Variants in GDF6 observed in about 807,000 individuals in gnomAD.
GDF6 encodes the protein growth/differentiation factor 6.
In GDF6, 3 loss-of-function variants were observed where a neutral mutation model predicts 32.4. The observed-to-expected ratio is 0.09, with a 90% CI of 0.04 to 0.24. GDF6 has a LOEUF of 0.24. Among genes scored for constraint, GDF6 ranks in the 10% least tolerant of loss-of-function variants. The pLI is 1.00. For synonymous variants in GDF6, 296 were observed against 295.3 expected, an observed-to-expected ratio of 1.00 and a Z score of -0.03; for missense variants, 589 against 637.9, an observed-to-expected ratio of 0.92 and a Z score of 0.83.
At chr8:96,158,291 G>T (rs76075842) in intron 1 of GDF6, among the ~76,000 whole-genome samples, 1 of 152,276 alleles carries the variant, frequency 6.6e-6, no homozygotes, top group East Asian at 1.9e-4. Flanking sequence ...CTCCAGGATC[G>T]GGGGCATACA....
intron 1 of GDF6, among the ~76,000 whole-genome samples, chr8:96,147,755 A>G (rs1436604698): frequency 5.3e-5 from 8 of 152,244 alleles, no homozygotes; most frequent in Non-Finnish European, 1.5e-5. Flanking sequence ...TAGTCCAGGT[A>G]CTGGAGTCTA....
At chr8:96,157,964 C>T (rs1267374821) in intron 1 of GDF6, among the ~76,000 whole-genome samples, 5 of 152,174 alleles carry the variant, frequency 3.3e-5, no homozygotes, top group Non-Finnish European at 7.4e-5. Context: ...CTCCTCTGCG[C>T]ACCCCTCCCG....
intron 1 of GDF6, among the ~76,000 whole-genome samples, chr8:96,157,727 G>A (rs1812693234): frequency 6.6e-6 from 1 of 152,186 alleles, no homozygotes; most frequent in Non-Finnish European, 1.5e-5. Context: ...ATGCGCGGCT[G>A]GCGGGTCCCT....
At chr8:96,154,084 C>G (rs1315204841) in intron 1 of GDF6, among the ~76,000 whole-genome samples, 1 of 152,130 alleles carries the variant, frequency 6.6e-6, no homozygotes, top group Non-Finnish European at 1.5e-5. Context: ...TCCTGGGCTC[C>G]TATGTTATTA....
rs540312819 is a variant in GDF6 at position 96,149,092 on chromosome 8, T to G, written c.407-3568A>C. Among the ~76,000 whole-genome samples the G allele has an allele frequency of 3.3e-5, 5 of 152,268 alleles. No individual in the cohort carries two copies. The South Asian group carries it at 8.3e-4, about 25-fold the overall frequency. On this transcript the variant is annotated intron_variant, in intron 1 of 1. Transcript: ENST00000287020. ...TGGGCAAAAAGCCAGCCCTTCATACTCCGTTCCAAAAGCCTCCTCTCCCAT... is the reference window on the plus strand; with the variant it reads ...TGGGCAAAAAGCCAGCCCTTCATACGCCGTTCCAAAAGCCTCCTCTCCCAT...
chr8:96,145,633 G>A lies in GDF6; in HGVS notation c.407-109C>T. ...GGCGGGGAGTGGGGGCAGGTCGGCC[G>A]GGCAGTCCAGCTTGCCCGGCCCAGG... On this transcript the variant is annotated intron_variant, in intron 1 of 1. Transcript: ENST00000287020. The surrounding 1 kb of genome is among the most constrained non-coding windows in gnomAD (Gnocchi z 5.6). The A allele has an allele frequency of 2.2e-6, 3 of 1,361,762 alleles. No homozygotes were observed. Among genetic ancestry groups the A allele is most frequent in the Non-Finnish European group, 1.0e-6 (1 of 980,430 alleles). 84.4% of individuals were successfully genotyped at this position (1,361,762 alleles called of 1,614,324 possible).
Position 96,152,576 on chromosome 8 carries a change from A to G in GDF6, c.407-7052T>C, listed in dbSNP as rs780020896. Among the ~76,000 whole-genome samples the G allele has an allele frequency of 3.1e-4, 47 of 152,194 alleles. 1 individual carries two copies. Among genetic ancestry groups the G allele is most frequent in the Admixed American group, 6.5e-5 (1 of 15,280 alleles). On this transcript the variant is annotated intron_variant, in intron 1 of 1. Coordinates refer to ENST00000287020, the MANE Select transcript of GDF6 (RefSeq NM_001001557.4). ...ACACATATTGATGGGGAGGGCTGCA[A>G]TGGAGGGCCCCTTGGGCTGCAGCAT...
rs759656984 is a variant in GDF6 at position 96,160,713 on chromosome 8, TC to T, written c.-22del. ...TCCATGGCGGGCAAGTGGCTGCGTC[TC>T]CCCAGGAGGCGGTGGCGGCGGCGCA... On this transcript the variant is annotated 5_prime_UTR_variant, in exon 1 of 2. Coordinates refer to ENST00000287020, the MANE Select transcript of GDF6 (RefSeq NM_001001557.4). 1 of 1,612,066 alleles carries T rather than the reference TC, an allele frequency of 6.2e-7. No homozygotes were observed. The highest frequency in any genetic ancestry group is 1.1e-5 in the South Asian group (1 of 91,042).
chr8:96,157,474 T>G (rs1812687688), intron 1 of GDF6, among the ~76,000 whole-genome samples: 1 of 151,726 alleles, frequency 6.6e-6, no homozygotes, highest in East Asian at 1.9e-4. Context: ...GCTCCTTTCC[T>G]TTTCTTCGCT....
chr8:96,146,339 C>CTTTT (rs33978005), intron 1 of GDF6, among the ~76,000 whole-genome samples: 4 of 146,540 alleles, frequency 2.7e-5, no homozygotes, highest in African/African-American at 5.0e-5. Context: ...TTATTGTTTG[C>CTTTT]TTTTTTTTTT....
Position 96,144,289 on chromosome 8 carries a change from A to AGAGAGAGAGAGC in GDF6, c.*273_*274insGCTCTCTCTCTC, listed in dbSNP as rs1370445465. On this transcript the variant is annotated 3_prime_UTR_variant, in exon 2 of 2. Coordinates refer to ENST00000287020, the MANE Select transcript of GDF6 (RefSeq NM_001001557.4). This position sits in a 1 kb window ranked among gnomAD's most constrained non-coding sequence, Gnocchi z 5.1. ...GAGAGAGAGAGAGAGAGAGAGAGAG[A>AGAGAGAGAGAGC]GAAAACAGAACAAAAGAAATCCTCC... is the stretch of plus-strand genomic sequence containing the variant. The AGAGAGAGAGAGC allele has an allele frequency of 2.0e-6, 1 of 495,602 alleles. No individual in the cohort carries two copies. The allele number at this position is 495,602 out of a possible 1,614,324, so 30.7% of individuals were successfully genotyped here. A position where few individuals can be genotyped will look rare whatever the true frequency, so the allele number is the denominator to read the frequency against.
At chr8:96,146,707 C>CACACACACAGAGAGAGAGAGAG (rs367654279) in intron 1 of GDF6, among the ~76,000 whole-genome samples, 7 of 140,022 alleles carry the variant, frequency 5.0e-5, no homozygotes, top group African/African-American at 1.7e-4. Flanking sequence ...CACACACACA[C>CACACACACAGAGAGAGAGAGAG]AGAGAGAGAG....
In GDF6 at chr8:96,143,991, T is replaced by C. The variant is rs1270899252; in HGVS notation, c.*572A>G. On this transcript the variant is annotated 3_prime_UTR_variant, in exon 2 of 2. Coordinates refer to ENST00000287020, the MANE Select transcript of GDF6 (RefSeq NM_001001557.4). ...TAACTATTCTTTTTGCCAATTTCCC[T>C]ATCTAACACTTTCTGTGTGGGAGGG... 6.2e-6 allele frequency: 1 copy of C among 160,436 alleles called. No individual in the cohort carries two copies. The highest frequency in any genetic ancestry group is 1.4e-5 in the Non-Finnish European group (1 of 72,308). The allele number at this position is 160,436 out of a possible 1,614,324, so 9.9% of individuals were successfully genotyped here.
Position 96,144,244 on chromosome 8 carries a change from T to G in GDF6, c.*319A>C, listed in dbSNP as rs10626175. The G allele has an allele frequency of 0.02, 4,665 of 234,892 alleles. 291 individuals carry two copies. The highest frequency in any genetic ancestry group is 0.16 in the African/African-American group (3,875 of 23,850). 14.6% of individuals were successfully genotyped at this position (234,892 alleles called of 1,614,324 possible). A position where few individuals can be genotyped will look rare whatever the true frequency, so the allele number is the denominator to read the frequency against. On this transcript the variant is annotated 3_prime_UTR_variant, in exon 2 of 2. Transcript: ENST00000287020. The surrounding 1 kb of genome is among the most constrained non-coding windows in gnomAD (Gnocchi z 5.1). ...ATAAGGAAATCCAAAGCCACAGTAA[T>G]AGAGAGAGAGAGAGAGAGAGAGAGA...
rs930594623 is a variant in GDF6 at position 96,142,992 on chromosome 8, C to T, written c.*1571G>A. The T allele has an allele frequency of 1.3e-5, 2 of 152,220 alleles. No homozygotes were observed. Among genetic ancestry groups the T allele is most frequent in the Non-Finnish European group, 2.9e-5 (2 of 68,038 alleles). 9.4% of individuals were successfully genotyped at this position (152,220 alleles called of 1,614,324 possible). A position where few individuals can be genotyped will look rare whatever the true frequency, so the allele number is the denominator to read the frequency against. On this transcript the variant is annotated 3_prime_UTR_variant, in exon 2 of 2. Transcript: ENST00000287020. ...AAAGATGAGGAGGAAGCTAACTCTT[C>T]AAAGGGCCTACTCATGGGCAATGTT...
intron 1 of GDF6, among the ~76,000 whole-genome samples, chr8:96,154,265 T>A (rs1335782102): frequency 6.6e-6 from 1 of 152,056 alleles, no homozygotes. Flanking sequence ...CCGGGGCCAC[T>A]AGCGCCGCCG....
chr8:96,148,499 T>C (rs1563510274), intron 1 of GDF6, among the ~76,000 whole-genome samples: 1 of 152,236 alleles, frequency 6.6e-6, no homozygotes, highest in East Asian at 1.9e-4. Context: ...CATAGGCGCT[T>C]GCTAGAAATG....
Position 96,145,630 on chromosome 8 carries a change from G to GCCGGGCAGTCCAGCTTGCCCGGC in GDF6, c.407-129_407-107dup. 2 of 1,397,426 alleles carry GCCGGGCAGTCCAGCTTGCCCGGC rather than the reference G, an allele frequency of 1.4e-6. No homozygotes were observed. The highest frequency in any genetic ancestry group is 2.0e-6 in the Non-Finnish European group (2 of 1,011,176). 86.6% of individuals were successfully genotyped at this position (1,397,426 alleles called of 1,614,324 possible). Reference sequence around the variant, plus strand: ...AAGGGCGGGGAGTGGGGGCAGGTCGGCCGGGCAGTCCAGCTTGCCCGGCCC... The same window carrying GCCGGGCAGTCCAGCTTGCCCGGC: ...AAGGGCGGGGAGTGGGGGCAGGTCGGCCGGGCAGTCCAGCTTGCCCGGCCCGGGCAGTCCAGCTTGCCCGGCCC... On this transcript the variant is annotated intron_variant, in intron 1 of 1. Coordinates refer to ENST00000287020, the MANE Select transcript of GDF6 (RefSeq NM_001001557.4). This position sits in a 1 kb window ranked among gnomAD's most constrained non-coding sequence, Gnocchi z 5.6.
rs1198176783 is a variant in GDF6 at position 96,144,403 on chromosome 8, G to C, written c.*160C>G. On this transcript the variant is annotated 3_prime_UTR_variant, in exon 2 of 2. Coordinates refer to ENST00000287020, the MANE Select transcript of GDF6 (RefSeq NM_001001557.4). This position sits in a 1 kb window ranked among gnomAD's most constrained non-coding sequence, Gnocchi z 5.1. ...AGGTAGAAGTTACTGGGAAGGCTGC[G>C]CTCCCTTCTCTCCCACCGGCTCTCA... 1.3e-6 allele frequency: 1 copy of C among 793,978 alleles called. No homozygotes were observed. Among genetic ancestry groups the C allele is most frequent in the Non-Finnish European group, 2.0e-6 (1 of 509,658 alleles). The allele number at this position is 793,978 out of a possible 1,614,324, so 49.2% of individuals were successfully genotyped here.
Sources: allele counts gnomAD v4.1 joint callset (sites outside exome capture counted in the v4.1 genomes callset), GRCh38; gene constraint gnomAD v4.1.1; non-coding constraint Gnocchi (gnomAD v3.1); transcripts MANE v1.5; gene names NCBI Gene and HGNC (gene_info 2026-07-23, HGNC 2026-07-21).